Variants in BMPR2 observed in about 807,000 individuals in gnomAD.
The protein encoded by BMPR2 is bone morphogenetic protein receptor type 2.
A neutral mutation model predicts 100.8 loss-of-function variants in BMPR2; 29 were observed. The observed-to-expected ratio is 0.29, with a 90% CI of 0.21 to 0.39. BMPR2 has a LOEUF of 0.39. Among genes scored for constraint, BMPR2 ranks in the 10% least tolerant of loss-of-function variants. BMPR2 has a pLI of 1.00. For missense variants in BMPR2, 1,011 were observed against 1,274.5 expected, an observed-to-expected ratio of 0.79 and a Z score of 3.15; for synonymous variants, 382 against 442.3, an observed-to-expected ratio of 0.86 and a Z score of 1.71.
At chr2:202,408,835 C>T (rs890133624) in intron 1 of BMPR2, among the ~76,000 whole-genome samples, 6 of 152,102 alleles carry the variant, frequency 3.9e-5, no homozygotes, top group Non-Finnish European at 8.8e-5. Context: ...AAACAATGGT[C>T]ATATAAGTAT....
chr2:202,428,630 C>T (rs937234667), intron 1 of BMPR2, among the ~76,000 whole-genome samples: 1 of 151,996 alleles, frequency 6.6e-6, no homozygotes, highest in Admixed American at 6.6e-5. Context: ...TGGTCCTGAA[C>T]TCCTGGGCTG....
chr2:202,425,871 C>T (rs934862969), intron 1 of BMPR2, among the ~76,000 whole-genome samples: 3 of 152,008 alleles, frequency 2.0e-5, no homozygotes, highest in Non-Finnish European at 2.9e-5. Flanking sequence ...TTCTATACAG[C>T]AGGATGCATT....
At position 202,561,904 on chromosome 2, in the gene BMPR2, C is replaced by A. The variant is rs1350914133; in HGVS notation, c.*1958C>A. ...TAGAATTAAGAATATCTTGTTAGTG[C>A]CCAGGATTTCCACGTTTTGTGTTTT... On this transcript the variant is annotated 3_prime_UTR_variant, in exon 13 of 13. Coordinates refer to ENST00000374580, the MANE Select transcript of BMPR2 (RefSeq NM_001204.7). 1 of 152,078 alleles carries A rather than the reference C, an allele frequency of 6.6e-6. No individual in the cohort carries two copies. Among genetic ancestry groups the A allele is most frequent in the African/African-American group, 2.4e-5 (1 of 41,424 alleles). 9.4% of individuals were successfully genotyped at this position (152,078 alleles called of 1,614,324 possible).
At chr2:202,546,092 A>C (rs1395857370) in intron 10 of BMPR2, among the ~76,000 whole-genome samples, 1 of 152,208 alleles carries the variant, frequency 6.6e-6, no homozygotes, top group Admixed American at 6.6e-5. Context: ...TTTTACTTCC[A>C]GTATAGAGTA....
At chr2:202,462,063 G>A (rs1181653193) in intron 1 of BMPR2, among the ~76,000 whole-genome samples, 1 of 152,092 alleles carries the variant, frequency 6.6e-6, no homozygotes, top group South Asian at 2.1e-4. Flanking sequence ...CACCTGCAAA[G>A]CTATTTGTAT....
intron 5 of BMPR2, among the ~76,000 whole-genome samples, chr2:202,517,816 CTTTT>C (rs753338130): frequency 7.0e-6 from 1 of 142,308 alleles, no homozygotes; most frequent in Non-Finnish European, 1.5e-5. Flanking sequence ...CTTCTTTTTT[CTTTT>C]TTTTTTTTTT....
chr2:202,554,756 G>C (rs1688533462), intron 11 of BMPR2, among the ~76,000 whole-genome samples: 1 of 152,178 alleles, frequency 6.6e-6, no homozygotes, highest in Non-Finnish European at 1.5e-5. Flanking sequence ...TCTTAATGGA[G>C]GCCTTTGGAA....
intron 10 of BMPR2, among the ~76,000 whole-genome samples, chr2:202,546,516 A>C (rs551743188): frequency 9.2e-5 from 14 of 152,358 alleles, no homozygotes; most frequent in African/African-American, 3.4e-4. Flanking sequence ...TATTGAGTTC[A>C]TAAATGACTT....
Position 202,514,986 on chromosome 2 carries a change from T to G in BMPR2, c.621+7T>G. 3.7e-6 allele frequency: 6 copies of G among 1,613,318 alleles called. No homozygotes were observed. The highest frequency in any genetic ancestry group is 5.1e-6 in the Non-Finnish European group (6 of 1,179,318). On this transcript the variant is annotated splice_region_variant and intron_variant, in intron 5 of 12. Transcript: ENST00000374580. ...TAATCTGAAACTGTTGGAGGTAAGTTTGCCGTTAGATTATGGACTGTTGTT... is the reference window on the plus strand; with the variant it reads ...TAATCTGAAACTGTTGGAGGTAAGTGTGCCGTTAGATTATGGACTGTTGTT...
intron 1 of BMPR2, among the ~76,000 whole-genome samples, chr2:202,393,884 A>AGC (rs1690603473): frequency 7.3e-5 from 2 of 27,476 alleles, no homozygotes; most frequent in South Asian, 1.3e-3. Context: ...TGAGAGAGCG[A>AGC]GAGAGAGAGA....
intron 7 of BMPR2, among the ~76,000 whole-genome samples, chr2:202,521,824 A>G (rs200747620): frequency 6.6e-6 from 1 of 152,110 alleles, no homozygotes; most frequent in Non-Finnish European, 1.5e-5. Flanking sequence ...AAACAAATAA[A>G]TTAATTTTAA....
At chr2:202,391,992 C>G (rs1465122943) in intron 1 of BMPR2, among the ~76,000 whole-genome samples, 1 of 151,926 alleles carries the variant, frequency 6.6e-6, no homozygotes, top group East Asian at 1.9e-4. Context: ...GTTCTCTTGA[C>G]CTCGTGATCT....
chr2:202,503,455 C>T lies in BMPR2; in HGVS notation c.419-10264C>T, dbSNP rs1471155876. Among the ~76,000 whole-genome samples, 4 of 152,242 alleles carry T rather than the reference C, an allele frequency of 2.6e-5. No individual in the cohort carries two copies. The highest frequency in any genetic ancestry group is 5.9e-5 in the Non-Finnish European group (4 of 68,036). On this transcript the variant is annotated intron_variant, in intron 3 of 12. Transcript: ENST00000374580. The surrounding 1 kb of genome is among the most constrained non-coding windows in gnomAD (Gnocchi z 4.0). Reference sequence around the variant, plus strand: ...AGCCGGAGTTCCGGTTGGGCATGGGCTTGGCGGGCCCCGCACTCGGAGCAG... The same window carrying T: ...AGCCGGAGTTCCGGTTGGGCATGGGTTTGGCGGGCCCCGCACTCGGAGCAG...
intron 3 of BMPR2, among the ~76,000 whole-genome samples, chr2:202,507,407 C>T (rs976801839): frequency 3.3e-5 from 5 of 152,036 alleles, no homozygotes; most frequent in African/African-American, 7.2e-5. Context: ...TCACATTGGT[C>T]GAGACAGCAT....
At chr2:202,431,340 T>C (rs756685320) in intron 1 of BMPR2, among the ~76,000 whole-genome samples, 1 of 150,738 alleles carries the variant, frequency 6.6e-6, no homozygotes, top group Non-Finnish European at 1.5e-5. Flanking sequence ...TGATGAGTTT[T>C]GAGAGTAATA....
intron 7 of BMPR2, among the ~76,000 whole-genome samples, chr2:202,527,800 A>T (rs184115243): frequency 1.4e-3 from 209 of 152,106 alleles, no homozygotes; most frequent in Non-Finnish European, 2.3e-3. Context: ...TCTCAAAAAA[A>T]AATAATAATA....
intron 3 of BMPR2, among the ~76,000 whole-genome samples, chr2:202,492,215 T>C (rs767154876): frequency 6.6e-6 from 1 of 152,092 alleles, no homozygotes; most frequent in Non-Finnish European, 1.5e-5. Flanking sequence ...TAGGAGCAGG[T>C]AGGAGACTTT....
intron 1 of BMPR2, among the ~76,000 whole-genome samples, chr2:202,394,049 T>C (rs1690611567): frequency 6.6e-6 from 1 of 152,024 alleles, no homozygotes; most frequent in Admixed American, 6.6e-5. Context: ...AGGAACCGGT[T>C]GTATAAAAGA....
Position 202,376,520 on chromosome 2 carries a change from C to T in BMPR2, c.-955C>T, listed in dbSNP as rs867772874. ...GAGCTGCGGGAGAACGAGGCGGCGG[C>T]GGCGGCGGCGGCGGCGGCGGCGGCG... On this transcript the variant is annotated 5_prime_UTR_variant, in exon 1 of 13. Transcript: ENST00000374580. Among the ~76,000 whole-genome samples, 10 of 127,310 alleles carry T rather than the reference C, an allele frequency of 7.9e-5. No individual in the cohort carries two copies. The highest frequency in any genetic ancestry group is 6.4e-4 in the South Asian group (2 of 3,142). The allele number at this position is 127,310 out of a possible 152,430, so 83.5% of individuals were successfully genotyped here. A position where few individuals can be genotyped will look rare whatever the true frequency, so the allele number is the denominator to read the frequency against.
Sources: allele counts gnomAD v4.1 joint callset (sites outside exome capture counted in the v4.1 genomes callset), GRCh38; gene constraint gnomAD v4.1.1; non-coding constraint Gnocchi (gnomAD v3.1); transcripts MANE v1.5; gene names NCBI Gene and HGNC (gene_info 2026-07-23, HGNC 2026-07-21).